The following MYLK4 variants were observed in gnomAD, a reference collection of about 807,000 sequenced individuals.
MYLK4 encodes the protein myosin light chain kinase family member 4.
MYLK4 carries 46 observed loss-of-function variants against 48.1 expected under a neutral mutation model. The ratio of observed to expected loss-of-function variants is 0.96; its 90% CI spans 0.75 to 1.22. The LOEUF is 1.22. Ranked by LOEUF, MYLK4 falls within the 50% of genes most tolerant of loss-of-function variation. The pLI is 0.00. For missense variants in MYLK4, 451 were observed against 486.1 expected (o/e 0.93, Z 0.68); for synonymous variants, 170 against 180.8 (o/e 0.94, Z 0.48).
intron 2 of MYLK4, among the ~76,000 whole-genome samples, chr6:2,735,134 A>G (rs148769121): frequency 0.017 from 2,539 of 152,358 alleles, 34 homozygotes; most frequent in Non-Finnish European, 0.025. Context: ...CTTAGCCATC[A>G]TTACAAACAA....
chr6:2,749,243 G>A lies in MYLK4; in HGVS notation c.52C>T (p.Gln18Ter). ...TGAAAAAAGGCCATTTTCTCCAGCTGGTTGCTGTTATAACACGTGTTGAAT... is the reference window on the plus strand; with the variant it reads ...TGAAAAAAGGCCATTTTCTCCAGCTAGTTGCTGTTATAACACGTGTTGAAT... The part of the protein sequence containing the change: ...EEFNTCYNSN[Q>*]LEKMAFFQCR... Residue 18 changes from glutamine (Q) to a stop codon, truncating the protein, a stop_gained, in exon 2 of 13, where the codon CAG (glutamine) becomes TAG (stop). Coordinates refer to ENST00000274643, the MANE Select transcript of MYLK4 (RefSeq NM_001012418.5). LOFTEE classifies it high-confidence loss of function. 3 of 1,614,032 alleles carry A rather than the reference G, an allele frequency of 1.9e-6. No individual in the cohort carries two copies. The highest frequency in any genetic ancestry group is 2.5e-6 in the Non-Finnish European group (3 of 1,179,954).
chr6:2,717,499 C>T (rs991383636), intron 2 of MYLK4, among the ~76,000 whole-genome samples: 1 of 152,186 alleles, frequency 6.6e-6, no homozygotes, highest in African/African-American at 2.4e-5. Flanking sequence ...TTCAGCACCC[C>T]CTAAGTGGGG....
rs148235992 is a variant in MYLK4, at chr6:2,683,084, C to T, written c.624G>A (p.Met208Ile). The T allele has an allele frequency of 6.2e-7, 1 of 1,614,148 alleles. No individual in the cohort carries two copies. The highest frequency in any genetic ancestry group is 1.3e-5 in the African/African-American group (1 of 75,032). Reference protein sequence around the residue: ...NLTELDTILFMKQICEGIRHM... With the variant: ...NLTELDTILFIKQICEGIRHM... ...GCCTTATCCCCTCACATATCTGCTTCATGAACAGGATGGTATCAAGCTCCG... is the reference window on the plus strand; with the variant it reads ...GCCTTATCCCCTCACATATCTGCTTTATGAACAGGATGGTATCAAGCTCCG... The change falls in exon 7 of 13, where the codon ATG (methionine) becomes ATA (isoleucine). Residue 208 changes from methionine to isoleucine, a missense_variant. By Grantham distance (10) the Met-to-Ile change is conservative. Transcript: ENST00000274643.
intron 2 of MYLK4, among the ~76,000 whole-genome samples, chr6:2,727,424 T>C (rs937257567): frequency 3.9e-5 from 6 of 152,134 alleles, no homozygotes; most frequent in Middle Eastern, 3.2e-3. Context: ...CTCTGCCTTC[T>C]CCTCTAGAGT....
In MYLK4 at chr6:2,670,368, A is replaced by AAAACAAACAAAC. The variant is rs10612556; in HGVS notation, c.*25+896_*25+907dup. 5.3e-3 allele frequency among the ~76,000 whole-genome samples: 792 copies of AAAACAAACAAAC among 150,748 alleles called. 4 individuals are homozygous for AAAACAAACAAAC. The highest frequency in any genetic ancestry group is 0.014 in the Middle Eastern group (4 of 294). On this transcript the variant is annotated intron_variant, in intron 12 of 12. Coordinates refer to ENST00000274643, the MANE Select transcript of MYLK4 (RefSeq NM_001012418.5). ...GTGACAGAGCAAGACTCTATCTCAA[A>AAAACAAACAAAC]AAACAAACAAACAAACAAACAAACA...
intron 4 of MYLK4, among the ~76,000 whole-genome samples, chr6:2,686,689 G>A (rs761522172): frequency 3.3e-5 from 5 of 152,150 alleles, no homozygotes; most frequent in Admixed American, 2.0e-4. Flanking sequence ...GGGCACTGGC[G>A]GCCGCTGCAT....
At chr6:2,697,494 A>G (rs1022329639) in intron 2 of MYLK4, among the ~76,000 whole-genome samples, 3 of 152,244 alleles carry the variant, frequency 2.0e-5, no homozygotes, top group African/African-American at 7.2e-5. Context: ...ATCGGTCCAC[A>G]GGCGTGTGCC....
chr6:2,770,200 C>T, the MYLK4 span: 1 of 1,614,178 alleles, frequency 6.2e-7, no homozygotes. Flanking sequence ...TCCAGGTCAA[C>T]GCTGCTCTTC....
upstream of MYLK4, among the ~76,000 whole-genome samples, chr6:2,754,797 TA>T (rs990109510): frequency 2.7e-5 from 4 of 149,868 alleles, no homozygotes; most frequent in African/African-American, 7.6e-5. Flanking sequence ...CAGGGAAACA[TA>T]AATTATATTC....
intron 2 of MYLK4, among the ~76,000 whole-genome samples, chr6:2,712,654 G>C (rs77248375): frequency 0.033 from 5,048 of 152,268 alleles, 215 homozygotes; most frequent in East Asian, 0.24. Context: ...ACACTAAGTG[G>C]GACCCACTGA....
At chr6:2,764,437 AAT>A in the MYLK4 span, among the ~76,000 whole-genome samples, 1 of 152,174 alleles carries the variant, frequency 6.6e-6, no homozygotes, top group African/African-American at 2.4e-5. Context: ...GCCCAGATGA[AAT>A]AAAAATTCAA....
intron 10 of MYLK4, 87 bp downstream of exon 10, chr6:2,678,133 A>C: frequency 7.4e-6 from 11 of 1,480,322 alleles, no homozygotes; most frequent in East Asian, 2.3e-5. Context: ...GATGTTAGTA[A>C]GAGAATAAAT....
intron 2 of MYLK4, among the ~76,000 whole-genome samples, chr6:2,694,551 G>A (rs1212511976): frequency 1.1e-3 from 13 of 12,052 alleles, no homozygotes; most frequent in Non-Finnish European, 1.5e-3. Flanking sequence ...GGTTGTGGTG[G>A]TAGTCGTGGT....
the MYLK4 span, among the ~76,000 whole-genome samples, chr6:2,766,701 T>C: frequency 2.0e-4 from 31 of 152,164 alleles, no homozygotes; most frequent in African/African-American, 6.0e-4. Flanking sequence ...GAATCCATAG[T>C]TTTACAAGAT....
At chr6:2,743,812 T>C (rs1763976683) in intron 2 of MYLK4, 7 of 396,994 alleles carry the variant, frequency 1.8e-5, no homozygotes, top group Non-Finnish European at 2.2e-5. Flanking sequence ...GGGCATGCAT[T>C]CCATTTACTT....
chr6:2,758,418 C>T, the MYLK4 span, among the ~76,000 whole-genome samples: 1 of 150,978 alleles, frequency 6.6e-6, no homozygotes, highest in Admixed American at 6.6e-5. Flanking sequence ...TATAAGTATA[C>T]ATGACATATA....
chr6:2,769,986 T>C, the MYLK4 span: 1 of 1,299,966 alleles, frequency 7.7e-7, no homozygotes, highest in East Asian at 2.3e-5. Context: ...ATTCAGTGAA[T>C]ATAAGGCTGC....
chr6:2,670,974 T>A (rs774388142), intron 12 of MYLK4, among the ~76,000 whole-genome samples: 4 of 151,902 alleles, frequency 2.6e-5, no homozygotes, highest in Non-Finnish European at 5.9e-5. Flanking sequence ...CCTGGGCTGG[T>A]TATTGATCCC....
intron 2 of MYLK4, among the ~76,000 whole-genome samples, chr6:2,724,623 A>G (rs1402111958): frequency 6.6e-6 from 1 of 152,208 alleles, no homozygotes; most frequent in African/African-American, 2.4e-5. Flanking sequence ...AAAAAGTCCA[A>G]GACATTTGAG....
Sources: gnomAD v4.1 joint callset for allele counts (sites outside exome capture counted in the v4.1 genomes callset) on GRCh38, gnomAD v4.1.1 for gene constraint, MANE v1.5 for transcripts, NCBI Gene and HGNC (gene_info 2026-07-23, HGNC 2026-07-21) for gene names.